Variants in TNRC6C observed in about 807,000 individuals in gnomAD.
TNRC6C encodes trinucleotide repeat-containing gene 6C protein.
A neutral mutation model predicts 153.7 loss-of-function variants in TNRC6C; 20 were observed. The ratio of observed to expected loss-of-function variants is 0.13; its 90% CI spans 0.09 to 0.19. The LOEUF is 0.19. Among genes scored for constraint, TNRC6C ranks in the 10% least tolerant of loss-of-function variants. The pLI is 1.00. For synonymous variants in TNRC6C, 811 were observed against 841.4 expected, an observed-to-expected ratio of 0.96 and a Z score of 0.63; for missense variants, 1,987 against 2,172.0, an observed-to-expected ratio of 0.91 and a Z score of 1.69.
chr17:78,098,234 C>A, intron 16 of TNRC6C, 109 bp from the exon 20 acceptor site: 2 of 1,085,042 alleles, frequency 1.8e-6, no homozygotes, highest in Non-Finnish European at 2.6e-6. Context: ...CTTTGCCTAT[C>A]ACACAGTCTG....
At chr17:78,036,186 CTG>C (rs2143785341) in intron 2 of TNRC6C, among the ~76,000 whole-genome samples, 1 of 152,304 alleles carries the variant, frequency 6.6e-6, no homozygotes, top group African/African-American at 2.4e-5. Flanking sequence ...ACACGAATTT[CTG>C]TGTTTTTCCC....
chr17:78,091,513 G>C (rs2073393197), exon 14 of TNRC6C: 15 of 1,609,622 alleles, frequency 9.3e-6, no homozygotes, highest in Non-Finnish European at 1.2e-5. Context: ...ACCCATCCCA[G>C]TCCCAGTCAC....
chr17:77,958,707 A>G (rs1254612922), upstream of TNRC6C, among the ~76,000 whole-genome samples: 1 of 151,674 alleles, frequency 6.6e-6, no homozygotes, highest in Non-Finnish European at 1.5e-5. Context: ...CTTGTCAGTT[A>G]GAGCAACAAG....
intron 3 of TNRC6C, among the ~76,000 whole-genome samples, chr17:78,053,261 T>C (rs1016879929): frequency 7.9e-5 from 12 of 152,180 alleles, no homozygotes; most frequent in African/African-American, 2.9e-4. Flanking sequence ...TGACTAATAT[T>C]TCTAGGCCCT....
intron 1 of TNRC6C, among the ~76,000 whole-genome samples, chr17:78,005,529 C>T (rs967408789): frequency 2.0e-5 from 3 of 152,206 alleles, no homozygotes; most frequent in Non-Finnish European, 1.5e-5. Context: ...CCTCCAAGTC[C>T]AGAATTTGCT....
At chr17:78,010,019 C>CT (rs773650138) in intron 1 of TNRC6C, among the ~76,000 whole-genome samples, 12 of 152,054 alleles carry the variant, frequency 7.9e-5, no homozygotes, top group Admixed American at 1.3e-4. Context: ...AAGTAGCTGA[C>CT]TACAGGTGCA....
intron 16 of TNRC6C, among the ~76,000 whole-genome samples, chr17:78,093,997 T>G (rs1380710675): frequency 2.0e-5 from 3 of 146,628 alleles, no homozygotes; most frequent in African/African-American, 7.7e-5. Context: ...TTTTTTTTTT[T>G]GCGATGAAGT....
At chr17:78,092,799 T>TA in intron 14 of TNRC6C, 134 bp from the exon 17 acceptor site, 1 of 642,118 alleles carries the variant, frequency 1.6e-6, no homozygotes, top group South Asian at 2.1e-5. Flanking sequence ...GACCAAGTCT[T>TA]ACAATTCATG....
intron 5 of TNRC6C, among the ~76,000 whole-genome samples, chr17:78,069,745 C>T (rs990078695): frequency 2.0e-5 from 3 of 152,090 alleles, no homozygotes; most frequent in African/African-American, 7.2e-5. Context: ...ATGAAAAGAT[C>T]ACTAAAGTAC....
chr17:78,001,668 C>T (rs185019943), upstream of TNRC6C, among the ~76,000 whole-genome samples: 11 of 152,226 alleles, frequency 7.2e-5, no homozygotes, highest in East Asian at 2.1e-3. Flanking sequence ...GTTATACCAA[C>T]AGTGATCCAA....
exon 20 of TNRC6C, chr17:78,106,435 GCT>G (rs1288312430): frequency 6.6e-6 from 1 of 150,570 alleles, no homozygotes; most frequent in Non-Finnish European, 1.5e-5. Flanking sequence ...TGCCGGACGC[GCT>G]CTCAGGAAAG....
At chr17:78,033,354 C>A (rs930002926) in intron 2 of TNRC6C, among the ~76,000 whole-genome samples, 1 of 152,054 alleles carries the variant, frequency 6.6e-6, no homozygotes, top group African/African-American at 2.4e-5. Flanking sequence ...AGAAAATACT[C>A]CTAGTTCATA....
chr17:78,024,536 T>C (rs2071897894), intron 1 of TNRC6C, among the ~76,000 whole-genome samples: 1 of 151,856 alleles, frequency 6.6e-6, no homozygotes, highest in African/African-American at 2.4e-5. Flanking sequence ...CCGGCTAATT[T>C]TTTGTATTTT....
intron 1 of TNRC6C, among the ~76,000 whole-genome samples, chr17:77,977,216 A>T (rs1365327698): frequency 6.6e-5 from 10 of 152,084 alleles, no homozygotes; most frequent in Admixed American, 6.6e-4. Flanking sequence ...AGCTGTGTGT[A>T]TTGATTTATA....
chr17:78,078,819 G>A (rs980817953), intron 9 of TNRC6C, among the ~76,000 whole-genome samples: 1 of 151,960 alleles, frequency 6.6e-6, no homozygotes, highest in Non-Finnish European at 1.5e-5. Context: ...ACAAAAATTC[G>A]GGGTGGCTCA....
At chr17:78,080,311 T>G (rs1282026835) in intron 10 of TNRC6C, among the ~76,000 whole-genome samples, 1 of 152,162 alleles carries the variant, frequency 6.6e-6, no homozygotes, top group Admixed American at 6.5e-5. Flanking sequence ...CCAGGTGTGG[T>G]GGCGCATGCC....
chr17:77,980,407 T>C (rs185032219), intron 1 of TNRC6C, among the ~76,000 whole-genome samples: 1 of 152,328 alleles, frequency 6.6e-6, no homozygotes, highest in African/African-American at 2.4e-5. Context: ...AGAGGACTTC[T>C]TTGACCAAAT....
intron 1 of TNRC6C, among the ~76,000 whole-genome samples, chr17:77,968,165 C>T (rs1488962265): frequency 2.6e-5 from 4 of 152,022 alleles, no homozygotes; most frequent in South Asian, 2.1e-4. Context: ...CCTGAGTAGG[C>T]GGGATTACAG....
chr17:78,103,632 G>T (rs949511126), intron 19 of TNRC6C, 79 bp downstream of exon 22: 2 of 1,574,472 alleles, frequency 1.3e-6, no homozygotes, highest in East Asian at 4.5e-5. Flanking sequence ...TGTTGCAGGG[G>T]TGTCCTGAGC....
Sources: gnomAD v4.1 joint callset for allele counts (sites outside exome capture counted in the v4.1 genomes callset) on GRCh38, gnomAD v4.1.1 for gene constraint, MANE v1.5 for transcripts, NCBI Gene and HGNC (gene_info 2026-07-23, HGNC 2026-07-21) for gene names.